The following AKT3 variants were observed in gnomAD, a reference collection of about 807,000 sequenced individuals.
AKT3 encodes AKT serine/threonine kinase 3.
Under a neutral mutation model 65.3 loss-of-function variants are expected in AKT3, and 15 were observed. The ratio of observed to expected loss-of-function variants is 0.23; its 90% CI spans 0.15 to 0.35. The LOEUF (loss-of-function observed/expected upper bound fraction) is 0.35, where lower values mean the gene tolerates loss of function less well. Among genes scored for constraint, AKT3 ranks in the 10% least tolerant of loss-of-function variants. The pLI, the probability that AKT3 is intolerant of heterozygous loss-of-function variation, is 1.00. For missense variants in AKT3, 243 were observed against 576.5 expected, an observed-to-expected ratio of 0.42 and a Z score of 5.92; for synonymous variants, 206 against 183.8, an observed-to-expected ratio of 1.12 and a Z score of -0.98.
At chr1:243,666,991 G>C (rs1424093190) in intron 3 of AKT3, among the ~76,000 whole-genome samples, 1 of 152,154 alleles carries the variant, frequency 6.6e-6, no homozygotes, top group East Asian at 1.9e-4. Flanking sequence ...CTGACTGCAA[G>C]CTGTGATTTG....
rs1257929149 is a variant in AKT3 at position 243,849,234 on chromosome 1, T to TGCC, written c.-113+803_-113+805dup. 1.1e-4 allele frequency among the ~76,000 whole-genome samples: 16 copies of TGCC among 152,334 alleles called. 1 individual carries two copies. In the South Asian group the frequency reaches 3.3e-3, roughly 32 times the overall value. ...TGGTCTGTTTACTTGCAGCCAGAGCTGCCGCCGCCGCCAGCAGCGACAGCA... is the reference window on the plus strand; with the variant it reads ...TGGTCTGTTTACTTGCAGCCAGAGCTGCCGCCGCCGCCGCCAGCAGCGACAGCA... On this transcript the variant is annotated intron_variant, in intron 1 of 13. Coordinates refer to ENST00000673466, the MANE Select transcript of AKT3 (RefSeq NM_005465.7).
chr1:243,580,900 C>T (rs755993188), intron 8 of AKT3, among the ~76,000 whole-genome samples: 1 of 152,168 alleles, frequency 6.6e-6, no homozygotes, highest in Non-Finnish European at 1.5e-5. Flanking sequence ...GCTCTCTCTG[C>T]TCCATACCCA....
At chr1:243,624,257 T>A (rs1678985885) in intron 6 of AKT3, among the ~76,000 whole-genome samples, 1 of 152,192 alleles carries the variant, frequency 6.6e-6, no homozygotes, top group Admixed American at 6.5e-5. Flanking sequence ...ATAGAAGTTG[T>A]CAATGGAATT....
intron 4 of AKT3, among the ~76,000 whole-genome samples, chr1:243,656,779 G>A (rs1681833498): frequency 6.6e-6 from 1 of 152,216 alleles, no homozygotes; most frequent in Non-Finnish European, 1.5e-5. Flanking sequence ...ATGTGAGTGT[G>A]AGTGTCGTGG....
chr1:243,802,396 A>T (rs924233018), intron 2 of AKT3, among the ~76,000 whole-genome samples: 2 of 152,200 alleles, frequency 1.3e-5, no homozygotes, highest in Admixed American at 6.5e-5. Context: ...GCTAGAATTT[A>T]TTGGAAAGGA....
At chr1:243,847,326 G>C (rs1178317126) in intron 1 of AKT3, among the ~76,000 whole-genome samples, 1 of 152,012 alleles carries the variant, frequency 6.6e-6, no homozygotes, top group Non-Finnish European at 1.5e-5. Flanking sequence ...ATAAAGACAA[G>C]CTCCTATCAA....
At chr1:243,822,803 A>C (rs1322089406) in intron 2 of AKT3, among the ~76,000 whole-genome samples, 1 of 152,172 alleles carries the variant, frequency 6.6e-6, no homozygotes, top group African/African-American at 2.4e-5. Flanking sequence ...ATACTAACCA[A>C]AAAAAGCCCA....
chr1:243,700,465 G>A (rs2148041130), intron 2 of AKT3, among the ~76,000 whole-genome samples: 1 of 151,048 alleles, frequency 6.6e-6, no homozygotes, highest in East Asian at 1.9e-4. Context: ...TTCCACAGCT[G>A]AGTAAAAATA....
intron 8 of AKT3, among the ~76,000 whole-genome samples, chr1:243,609,607 G>A (rs938133349): frequency 2.0e-5 from 3 of 152,264 alleles, no homozygotes; most frequent in South Asian, 2.1e-4. Context: ...GCAGTGAGCC[G>A]AGATTGTACC....
intron 2 of AKT3, among the ~76,000 whole-genome samples, chr1:243,827,226 G>C (rs988226186): frequency 2.0e-5 from 3 of 152,064 alleles, no homozygotes; most frequent in African/African-American, 7.2e-5. Flanking sequence ...ATAAAAGCAT[G>C]TAAGACTCAA....
chr1:243,578,015 A>G (rs1675068601), intron 8 of AKT3, among the ~76,000 whole-genome samples: 2 of 152,226 alleles, frequency 1.3e-5, no homozygotes, highest in Non-Finnish European at 2.9e-5. Context: ...AATAGTGATT[A>G]TTAAAAAATC....
chr1:243,640,819 T>G (rs1680325098), intron 5 of AKT3, among the ~76,000 whole-genome samples: 1 of 152,178 alleles, frequency 6.6e-6, no homozygotes, highest in Admixed American at 6.5e-5. Context: ...TGGCTATTGT[T>G]TTAAGACATT....
intron 2 of AKT3, among the ~76,000 whole-genome samples, chr1:243,804,066 G>A (rs1277251674): frequency 6.6e-6 from 1 of 152,060 alleles, no homozygotes; most frequent in Non-Finnish European, 1.5e-5. Flanking sequence ...TCATCATCAG[G>A]GTTCTAGATC....
At chr1:243,738,437 G>A (rs771340860) in intron 2 of AKT3, among the ~76,000 whole-genome samples, 9 of 152,176 alleles carry the variant, frequency 5.9e-5, no homozygotes, top group Non-Finnish European at 1.2e-4. Context: ...AGTATTAAAC[G>A]TTTAACATTC....
chr1:243,795,529 T>C lies in AKT3; in HGVS notation c.46+47596A>G, dbSNP rs371490143. Among the ~76,000 whole-genome samples the C allele has an allele frequency of 2.3e-5, 3 of 132,810 alleles. No individual in the cohort carries two copies. The East Asian group carries it at 6.7e-4, about 30-fold the overall frequency. 87.1% of individuals were successfully genotyped at this position (132,810 alleles called of 152,430 possible). ...CTCTGTCGCCCAGGCTGGAGTGCAGTGGCGGGATCTCGGCTCACTGCAAGC... is the reference window on the plus strand; with the variant it reads ...CTCTGTCGCCCAGGCTGGAGTGCAGCGGCGGGATCTCGGCTCACTGCAAGC... On this transcript the variant is annotated intron_variant, in intron 2 of 13. Transcript: ENST00000673466.
At chr1:243,792,366 C>T (rs1354221563) in intron 2 of AKT3, among the ~76,000 whole-genome samples, 1 of 152,112 alleles carries the variant, frequency 6.6e-6, no homozygotes, top group Admixed American at 6.5e-5. Context: ...AGATAAAAGT[C>T]AGCAAAAGAG....
intron 2 of AKT3, among the ~76,000 whole-genome samples, chr1:243,736,396 A>C (rs185306168): frequency 6.6e-6 from 1 of 152,202 alleles, no homozygotes. Context: ...CAAGAAAAAC[A>C]TAAAAGGCCT....
intron 3 of AKT3, among the ~76,000 whole-genome samples, chr1:243,670,129 C>G (rs537631918): frequency 3.9e-5 from 6 of 152,166 alleles, no homozygotes; most frequent in African/African-American, 1.4e-4. Context: ...ACCCTCTAGT[C>G]CAACAAAAAT....
intron 8 of AKT3, among the ~76,000 whole-genome samples, chr1:243,613,218 C>A (rs936092173): frequency 6.7e-6 from 1 of 148,910 alleles, no homozygotes; most frequent in Non-Finnish European, 1.5e-5. Flanking sequence ...TATATATAGT[C>A]ATAGTACTCT....
Sources: allele counts gnomAD v4.1 joint callset (sites outside exome capture counted in the v4.1 genomes callset), GRCh38; gene constraint gnomAD v4.1.1; transcripts MANE v1.5; gene names NCBI Gene and HGNC (gene_info 2026-07-23, HGNC 2026-07-21).